The following HERC2 variants were observed in gnomAD, a reference collection of about 807,000 sequenced individuals.
HERC2 encodes the protein E3 ubiquitin-protein ligase HERC2.
A neutral mutation model predicts 537.7 loss-of-function variants in HERC2; 102 were observed. The observed-to-expected ratio is 0.19, with a 90% CI of 0.16 to 0.22. The LOEUF is 0.22. Among genes scored for constraint, HERC2 ranks in the 10% least tolerant of loss-of-function variants. The probability of loss-of-function intolerance (pLI) is 1.00; values close to 1 mark genes in which losing one functional copy is unlikely to be tolerated. For missense variants in HERC2, 4,236 were observed against 6,198.2 expected, an observed-to-expected ratio of 0.68 and a Z score of 10.63; for synonymous variants, 2,224 against 2,466.2, an observed-to-expected ratio of 0.90 and a Z score of 2.91.
Position 28,111,559 on chromosome 15 carries a change from G to C in HERC2, c.*204C>G, listed in dbSNP as rs947929292. The C allele has an allele frequency of 8.5e-6, 5 of 590,600 alleles. No individual in the cohort carries two copies. The highest frequency in any genetic ancestry group is 7.4e-5 in the African/African-American group (4 of 53,744). The allele number at this position is 590,600 out of a possible 1,614,324, so 36.6% of individuals were successfully genotyped here. A position where few individuals can be genotyped will look rare whatever the true frequency, so the allele number is the denominator to read the frequency against. On this transcript the variant is annotated 3_prime_UTR_variant, in exon 93 of 93. Transcript: ENST00000261609. ...ACGGGTGAGAAGACCCTTGGAAGTC[G>C]AGCGTCCACAGTGTTCCACGCGCAC...
chr15:28,208,431 C>T (rs1307289781), intron 44 of HERC2, among the ~76,000 whole-genome samples: 1 of 151,992 alleles, frequency 6.6e-6, no homozygotes, highest in Non-Finnish European at 1.5e-5. Context: ...TGCCTTCCCC[C>T]TCATCACCTG....
At chr15:28,204,125 C>T (rs539271496) in intron 45 of HERC2, among the ~76,000 whole-genome samples, 2 of 152,144 alleles carry the variant, frequency 1.3e-5, no homozygotes, top group East Asian at 3.9e-4. Context: ...GGCGGCAGAA[C>T]CCAGAGCCAA....
chr15:28,242,473 A>C (rs1302436738), intron 23 of HERC2, among the ~76,000 whole-genome samples: 1 of 152,214 alleles, frequency 6.6e-6, no homozygotes, highest in African/African-American at 2.4e-5. Context: ...GGATAGATGG[A>C]AACTAACGGG....
At chr15:28,130,439 G>C in intron 82 of HERC2, 64 bp downstream of exon 82, 2 of 1,577,384 alleles carry the variant, frequency 1.3e-6, no homozygotes, top group Non-Finnish European at 1.7e-6. Context: ...CCATGAAAAG[G>C]TGGTGCACAT....
intron 8 of HERC2, 111 bp from the exon 9 acceptor site, chr15:28,272,497 T>G (rs77182473): frequency 0.013 from 13,749 of 1,027,292 alleles, 512 homozygotes; most frequent in South Asian, 0.1. Flanking sequence ...TACTTGGGAT[T>G]TGAAAGGAAA....
At chr15:28,150,985 TA>T in intron 70 of HERC2, among the ~76,000 whole-genome samples, 1 of 152,162 alleles carries the variant, frequency 6.6e-6, no homozygotes, top group Non-Finnish European at 1.5e-5. Context: ...GACCAGTCAG[TA>T]AAACTAAGAC....
At chr15:28,163,618 A>G (rs1214628488) in intron 68 of HERC2, among the ~76,000 whole-genome samples, 2 of 152,238 alleles carry the variant, frequency 1.3e-5, no homozygotes, top group African/African-American at 4.8e-5. Flanking sequence ...ATGAAGCTGC[A>G]TCCTGTATAA....
At chr15:28,202,274 C>G (rs765152181) in intron 46 of HERC2, 25 bp from the exon 47 acceptor site, 2 of 1,612,896 alleles carry the variant, frequency 1.2e-6, no homozygotes, top group Non-Finnish European at 1.7e-6. Flanking sequence ...CACAGCACAG[C>G]AGCCACTGTG....
intron 1 of HERC2, among the ~76,000 whole-genome samples, chr15:28,321,845 A>G (rs2077239109): frequency 1.4e-5 from 2 of 145,408 alleles, no homozygotes; most frequent in South Asian, 4.3e-4. Flanking sequence ...TTTACCCCAC[A>G]GCAGGGCGCG....
At chr15:28,298,640 C>CA (rs1452703261) in intron 3 of HERC2, 7 of 151,052 alleles carry the variant, frequency 4.6e-5, no homozygotes, top group African/African-American at 1.7e-4. Flanking sequence ...CTAAAAAATA[C>CA]AAAAAATTAG....
At chr15:28,276,873 T>TTCCA (rs914411808) in intron 5 of HERC2, among the ~76,000 whole-genome samples, 25 of 150,544 alleles carry the variant, frequency 1.7e-4, no homozygotes, top group African/African-American at 6.1e-4. Flanking sequence ...AGGCCAGGAG[T>TTCCA]TCCAGACAAG....
At chr15:28,139,618 C>T (rs1448042115) in intron 78 of HERC2, among the ~76,000 whole-genome samples, 1 of 152,178 alleles carries the variant, frequency 6.6e-6, no homozygotes, top group African/African-American at 2.4e-5. Context: ...GAGAGTATCT[C>T]ACTCATGAAT....
intron 4 of HERC2, among the ~76,000 whole-genome samples, chr15:28,288,307 C>G (rs1166918520): frequency 6.6e-6 from 1 of 151,790 alleles, no homozygotes; most frequent in African/African-American, 2.4e-5. Flanking sequence ...GGGTGGATCA[C>G]CTGAGGTCAG....
intron 70 of HERC2, among the ~76,000 whole-genome samples, chr15:28,147,583 G>C (rs1466898947): frequency 3.8e-4 from 58 of 152,086 alleles, no homozygotes; most frequent in Admixed American, 3.7e-3. Flanking sequence ...GCTGTAGTGA[G>C]CCACGATCGT....
At chr15:28,289,956 C>G (rs2141121776) in intron 4 of HERC2, among the ~76,000 whole-genome samples, 1 of 151,134 alleles carries the variant, frequency 6.6e-6, no homozygotes, top group Middle Eastern at 3.4e-3. Flanking sequence ...GAGGACCACA[C>G]ACCTCAGTGA....
At position 28,163,075 on chromosome 15, in the gene HERC2, C is replaced by T. The variant is rs368975169; in HGVS notation, c.10746+19G>A. On this transcript the variant is annotated intron_variant, in intron 69 of 92. Coordinates refer to ENST00000261609, the MANE Select transcript of HERC2 (RefSeq NM_004667.6). ...TGGAGGAGGTGGAATCAGACGGCCC[C>T]GCCCTCCCTGAGACTCACCTGTGGG... 5 of 1,596,084 alleles carry T rather than the reference C, an allele frequency of 3.1e-6. No homozygotes were observed. The highest frequency in any genetic ancestry group is 2.2e-5 in the East Asian group (1 of 44,738).
At chr15:28,135,874 G>T (rs1890583003) in intron 78 of HERC2, among the ~76,000 whole-genome samples, 182 bp from the exon 79 acceptor site, 1 of 152,096 alleles carries the variant, frequency 6.6e-6, no homozygotes, top group African/African-American at 2.4e-5. Context: ...TTCTAGAAAT[G>T]AAATAAAAAC....
Position 28,233,324 on chromosome 15 carries a change from G to A in HERC2, c.4497C>T (p.Gly1499=), listed in dbSNP as rs750663305. ...GAGCGCAGACCTCCTTGTAAGAACG[G>A]CCCTGTTCTTGATGAGTCTGCAAAG... ...CSLIKTHQEQ[G]RSYKEVCAPV... The change falls in exon 30 of 93, where the codon GGC becomes GGT. Residue 1499 remains glycine, a synonymous_variant. Coordinates refer to ENST00000261609, the MANE Select transcript of HERC2 (RefSeq NM_004667.6). 6.1e-5 allele frequency: 91 copies of A among 1,490,572 alleles called. No homozygotes were observed. The highest frequency in any genetic ancestry group is 8.2e-5 in the Non-Finnish European group (88 of 1,073,862). The allele number at this position is 1,490,572 out of a possible 1,614,324, so 92.3% of individuals were successfully genotyped here.
At chr15:28,126,285 T>C (rs557471279) in intron 83 of HERC2, among the ~76,000 whole-genome samples, 2 of 152,290 alleles carry the variant, frequency 1.3e-5, no homozygotes, top group South Asian at 4.1e-4. Context: ...CGCGTTGTGA[T>C]GGAAAGCATT....
Sources: allele counts gnomAD v4.1 joint callset (sites outside exome capture counted in the v4.1 genomes callset), GRCh38; gene constraint gnomAD v4.1.1; transcripts MANE v1.5; gene names NCBI Gene and HGNC (gene_info 2026-07-23, HGNC 2026-07-21).